KCNMA1: variants seen among roughly 807,000 people sequenced by gnomAD.
The protein encoded by KCNMA1 is Calcium-activated potassium channel subunit alpha-1.
Under a neutral mutation model 140.0 loss-of-function variants are expected in KCNMA1, and 29 were observed. That is an observed-to-expected ratio of 0.21 (90% CI 0.15 to 0.28). The LOEUF is 0.28. KCNMA1 is among the 10% of genes least tolerant of loss of function. The probability of loss-of-function intolerance (pLI) is 1.00; values close to 1 mark genes in which losing one functional copy is unlikely to be tolerated. For missense variants in KCNMA1, 880 were observed against 1,602.2 expected (o/e 0.55, Z 7.70); for synonymous variants, 612 against 611.9 (o/e 1.00, Z 0.00).
In KCNMA1 at chr10:77,590,943, G is replaced by GCC. The variant is rs138089532; in HGVS notation, c.378+46320_378+46321dup. 5.3e-3 allele frequency among the ~76,000 whole-genome samples: 811 copies of GCC among 152,302 alleles called. 6 individuals carry two copies. Among genetic ancestry groups the GCC allele is most frequent in the African/African-American group, 0.018 (763 of 41,560 alleles). ...TGGAGCCAGGAAGAAACCAAGGGTG[G>GCC]CCACACACCTCATCTGCCCTGCTGT... On this transcript the variant is annotated intron_variant, in intron 1 of 27. Coordinates refer to ENST00000286628, the MANE Select transcript of KCNMA1 (RefSeq NM_001161352.2).
chr10:77,313,090 C>T (rs1029863723), intron 2 of KCNMA1, among the ~76,000 whole-genome samples: 3 of 152,146 alleles, frequency 2.0e-5, no homozygotes, highest in Non-Finnish European at 4.4e-5. Flanking sequence ...GCCTCTCCAG[C>T]GCAATTCACC....
At chr10:77,029,676 T>G (rs564856988) in intron 15 of KCNMA1, among the ~76,000 whole-genome samples, 1 of 152,246 alleles carries the variant, frequency 6.6e-6, no homozygotes, top group East Asian at 1.9e-4. Context: ...TCTGTGATGG[T>G]TCAGGAGGAC....
chr10:77,554,725 G>A (rs1377532540), intron 1 of KCNMA1, among the ~76,000 whole-genome samples: 1 of 152,050 alleles, frequency 6.6e-6, no homozygotes, highest in Non-Finnish European at 1.5e-5. Context: ...TCTGCCCAAG[G>A]AGCCCACAAA....
intron 23 of KCNMA1, among the ~76,000 whole-genome samples, chr10:76,943,564 G>A (rs1169392789): frequency 6.6e-6 from 1 of 152,154 alleles, no homozygotes; most frequent in Non-Finnish European, 1.5e-5. Flanking sequence ...ACCTGGGTCT[G>A]CCAGGGTCTG....
chr10:77,593,113 G>C (rs1323685045), intron 1 of KCNMA1, among the ~76,000 whole-genome samples: 3 of 152,214 alleles, frequency 2.0e-5, no homozygotes, highest in Non-Finnish European at 4.4e-5. Context: ...GTGGAGCTCA[G>C]AGCAGGGTTG....
chr10:77,504,286 A>G (rs1056093752), intron 1 of KCNMA1, among the ~76,000 whole-genome samples: 3 of 152,198 alleles, frequency 2.0e-5, no homozygotes, highest in African/African-American at 7.2e-5. Context: ...CCCTCCAGAT[A>G]TGGTGTCTGT....
chr10:77,275,182 T>G (rs1279250608), intron 2 of KCNMA1, among the ~76,000 whole-genome samples: 4 of 152,166 alleles, frequency 2.6e-5, no homozygotes, highest in Non-Finnish European at 5.9e-5. Flanking sequence ...CTATACCAAC[T>G]GAATATTTGT....
intron 12 of KCNMA1, among the ~76,000 whole-genome samples, chr10:77,082,332 C>G (rs1194487740): frequency 1.3e-5 from 2 of 152,008 alleles, no homozygotes; most frequent in East Asian, 1.9e-4. Context: ...CCGCCCTTGA[C>G]CAGTAATTTC....
chr10:77,636,342 G>A (rs2093722341), intron 1 of KCNMA1: 4 of 1,528,392 alleles, frequency 2.6e-6, no homozygotes, highest in East Asian at 2.5e-5. Context: ...ATACATCGAA[G>A]GTGTCGCCAG....
intron 2 of KCNMA1, among the ~76,000 whole-genome samples, chr10:77,268,996 GC>G (rs1436717494): frequency 9.2e-5 from 14 of 152,152 alleles, no homozygotes; most frequent in Non-Finnish European, 1.5e-5. Flanking sequence ...ACCAAAGGAG[GC>G]CTGGCCAAGC....
intron 11 of KCNMA1, 62 bp from the exon 12 acceptor site, chr10:77,084,781 GTCTC>G: frequency 1.7e-6 from 2 of 1,157,986 alleles, no homozygotes; most frequent in East Asian, 4.7e-5. Flanking sequence ...CTCGAGTGTA[GTCTC>G]TCTCTGTTGA....
intron 1 of KCNMA1, among the ~76,000 whole-genome samples, chr10:77,508,193 T>G (rs1335325331): frequency 6.6e-6 from 1 of 152,212 alleles, no homozygotes; most frequent in African/African-American, 2.4e-5. Flanking sequence ...GATTTTATTT[T>G]GAGACAGGGT....
At chr10:77,251,989 T>G (rs1036792477) in intron 2 of KCNMA1, among the ~76,000 whole-genome samples, 1 of 152,240 alleles carries the variant, frequency 6.6e-6, no homozygotes, top group Non-Finnish European at 1.5e-5. Context: ...TCTATATGAT[T>G]AGAACACTTC....
intron 3 of KCNMA1, among the ~76,000 whole-genome samples, chr10:77,207,202 T>C (rs2044427127): frequency 6.6e-6 from 1 of 152,176 alleles, no homozygotes; most frequent in South Asian, 2.1e-4. Context: ...CTCTTCTGAT[T>C]ACATAAATTT....
At chr10:77,167,456 T>C (rs1193307820) in intron 5 of KCNMA1, among the ~76,000 whole-genome samples, 2 of 152,182 alleles carry the variant, frequency 1.3e-5, no homozygotes, top group African/African-American at 4.8e-5. Flanking sequence ...GATTCATCTT[T>C]CCTATAGTAG....
chr10:77,078,246 T>C (rs1246841262), intron 13 of KCNMA1, among the ~76,000 whole-genome samples: 1 of 152,180 alleles, frequency 6.6e-6, no homozygotes, highest in Non-Finnish European at 1.5e-5. Flanking sequence ...GACACCTGGC[T>C]CCAGGTACTG....
chr10:77,003,952 C>A (rs2087430452), intron 18 of KCNMA1, among the ~76,000 whole-genome samples: 1 of 152,082 alleles, frequency 6.6e-6, no homozygotes, highest in African/African-American at 2.4e-5. Context: ...CTGTTTGCAA[C>A]TGTTATTGTT....
intron 19 of KCNMA1, among the ~76,000 whole-genome samples, chr10:76,982,058 A>ACCCT (rs2079666803): frequency 6.6e-6 from 1 of 152,040 alleles, no homozygotes; most frequent in Admixed American, 6.5e-5. Flanking sequence ...TAAGTATGAG[A>ACCCT]CCCTTCTGGC....
chr10:77,324,971 C>CTGTGTG (rs144907110), intron 2 of KCNMA1, among the ~76,000 whole-genome samples: 75 of 90,430 alleles, frequency 8.3e-4, no homozygotes, highest in Admixed American at 1.3e-3. Flanking sequence ...CTCTCTCTCT[C>CTGTGTG]TGTGTGTGTG....
Sources: allele counts gnomAD v4.1 joint callset (sites outside exome capture counted in the v4.1 genomes callset), GRCh38; gene constraint gnomAD v4.1.1; transcripts MANE v1.5; gene names NCBI Gene and HGNC (gene_info 2026-07-23, HGNC 2026-07-21).